NDUFA10: variants seen among roughly 807,000 people sequenced by gnomAD.
The protein encoded by NDUFA10 is NADH dehydrogenase [ubiquinone] 1 alpha subcomplex subunit 10, mitochondrial.
In NDUFA10, 40 loss-of-function variants were observed where a neutral mutation model predicts 47.8. That is an observed-to-expected ratio of 0.84 (90% confidence interval 0.65 to 1.09). The LOEUF (loss-of-function observed/expected upper bound fraction) is 1.09, where lower values mean the gene tolerates loss of function less well. Among genes scored for constraint, NDUFA10 ranks in the 50% least tolerant of loss-of-function variants. NDUFA10 has a pLI of 0.00. For synonymous variants in NDUFA10, 183 were observed against 172.2 expected, an observed-to-expected ratio of 1.06 and a Z score of -0.49; for missense variants, 413 against 451.1, an observed-to-expected ratio of 0.92 and a Z score of 0.76.
At chr2:240,022,662 G>T (rs1244485244) in intron 1 of NDUFA10, among the ~76,000 whole-genome samples, 2 of 152,080 alleles carry the variant, frequency 1.3e-5, no homozygotes, top group Non-Finnish European at 2.9e-5. Context: ...ATGGATGGAT[G>T]GATGGACGGA....
chr2:239,951,082 A>C (rs781330323), intron 4 of NDUFA10, among the ~76,000 whole-genome samples: 3 of 152,156 alleles, frequency 2.0e-5, no homozygotes, highest in Non-Finnish European at 4.4e-5. Flanking sequence ...AAAAACCCTA[A>C]AACAATGCTG....
chr2:239,931,867 G>A (rs1485599999), intron 4 of NDUFA10, among the ~76,000 whole-genome samples: 1 of 112,612 alleles, frequency 8.9e-6, no homozygotes, highest in African/African-American at 3.5e-5. Flanking sequence ...ACGGAGTCTC[G>A]CTCTGTGGCC....
rs180705733 is a variant in NDUFA10, at chr2:239,981,590, T to C, written c.999+8484A>G. ...AATCCTGGAAGAAAAACGAAGACTATAATCCTTAATCTAAAGAATAAAGGT... is the reference window on the plus strand; with the variant it reads ...AATCCTGGAAGAAAAACGAAGACTACAATCCTTAATCTAAAGAATAAAGGT... On this transcript the variant is annotated intron_variant, in intron 9 of 9. Transcript: ENST00000252711. 1.4e-3 allele frequency among the ~76,000 whole-genome samples: 219 copies of C among 152,294 alleles called. 2 individuals are homozygous for C. The highest frequency in any genetic ancestry group is 0.01 in the Middle Eastern group (3 of 294).
At position 240,006,328 on chromosome 2, in the gene NDUFA10, T is replaced by C. The variant is rs188442263; in HGVS notation, c.804+988A>G. ...GAATAAACCAAGGTCTCAAAAGAAC[T>C]TTACAACTGGTAGTAGGAGAGCCTG... On this transcript the variant is annotated intron_variant, in intron 7 of 9. Transcript: ENST00000252711. Among the ~76,000 whole-genome samples the C allele has an allele frequency of 3.4e-3, 517 of 152,298 alleles. 1 individual carries two copies. Among genetic ancestry groups the C allele is most frequent in the African/African-American group, 0.012 (487 of 41,550 alleles).
intron 4 of NDUFA10, among the ~76,000 whole-genome samples, chr2:239,904,959 C>T (rs1310730716): frequency 6.6e-6 from 1 of 152,216 alleles, no homozygotes; most frequent in Non-Finnish European, 1.5e-5. Flanking sequence ...GCCTTCTGCT[C>T]TTCCGCCTCT....
intron 4 of NDUFA10, among the ~76,000 whole-genome samples, chr2:239,940,438 C>T (rs988072577): frequency 5.9e-5 from 9 of 152,210 alleles, no homozygotes; most frequent in South Asian, 2.1e-4. Flanking sequence ...GCTGGAAGTA[C>T]GCTCTGAGTT....
chr2:239,903,308 T>C (rs1000831246), intron 4 of NDUFA10, among the ~76,000 whole-genome samples: 1 of 152,190 alleles, frequency 6.6e-6, no homozygotes, highest in African/African-American at 2.4e-5. Context: ...ACGGGGGGCT[T>C]GTATATTACG....
intron 4 of NDUFA10, among the ~76,000 whole-genome samples, chr2:239,946,766 C>T (rs1694460314): frequency 6.6e-6 from 1 of 152,238 alleles, no homozygotes; most frequent in African/African-American, 2.4e-5. Context: ...TCCCTTTGGT[C>T]AGATTTTGGG....
At chr2:240,025,164 T>TGCCCCCCCCCCCCCCCCCCC in intron 1 of NDUFA10, 63 bp downstream of exon 1, 453 of 594,800 alleles carry the variant, frequency 7.6e-4, no homozygotes, top group East Asian at 1.1e-3. Context: ...GTGGAACTGC[T>TGCCCCCCCCCCCCCCCCCCC]CCCCACCCCG....
At chr2:240,007,270 GA>G (rs764737382) in intron 7 of NDUFA10, 45 bp downstream of exon 7, 3 of 1,391,898 alleles carry the variant, frequency 2.2e-6, no homozygotes, top group African/African-American at 2.8e-5. Flanking sequence ...CCTTACACAT[GA>G]ATCAAATGTA....
At chr2:239,895,361 G>T in intron 4 of NDUFA10, 1 of 414,388 alleles carries the variant, frequency 2.4e-6, no homozygotes, top group Admixed American at 2.7e-5. Context: ...AGTGAGGAGG[G>T]GAGCCCGAGC....
intron 7 of NDUFA10, 111 bp downstream of exon 7, chr2:240,007,205 C>T: frequency 1.2e-6 from 1 of 821,374 alleles, no homozygotes; most frequent in Non-Finnish European, 2.1e-6. Context: ...GGTGATAAAA[C>T]AGTGATGTTT....
At chr2:239,939,195 T>C (rs558815513) in intron 4 of NDUFA10, among the ~76,000 whole-genome samples, 55 of 152,154 alleles carry the variant, frequency 3.6e-4, no homozygotes, top group African/African-American at 1.2e-3. Flanking sequence ...CCTCACTGAG[T>C]GGAAAGGGAG....
rs146517347 is a variant in NDUFA10, at chr2:239,948,166, T to G, written c.294+41908A>C. On this transcript the variant is annotated intron_variant, in intron 4 of 5. Transcript: ENST00000419408. ...ATTCTTAGGGAAATAGCAGCTCATT[T>G]CCACCAACACTTAAGAGCTAGAACC... 1.6e-3 allele frequency among the ~76,000 whole-genome samples: 246 copies of G among 152,326 alleles called. 1 individual carries two copies. Among genetic ancestry groups the G allele is most frequent in the Non-Finnish European group, 2.6e-3 (176 of 68,020 alleles).
chr2:240,012,727 T>C (rs968425798), intron 5 of NDUFA10: 2 of 152,260 alleles, frequency 1.3e-5, no homozygotes, highest in Admixed American at 6.5e-5. Context: ...CATGTATTAA[T>C]TCCAGTAATG....
intron 4 of NDUFA10, among the ~76,000 whole-genome samples, chr2:239,919,805 T>C (rs1337459413): frequency 6.6e-6 from 1 of 152,174 alleles, no homozygotes; most frequent in Non-Finnish European, 1.5e-5. Context: ...ACATCTTCCA[T>C]GAACTCTGAG....
Position 239,898,952 on chromosome 2 carries a change from GGGGTGTGGCA to G in NDUFA10, c.295-3648_295-3639del, listed in dbSNP as rs1351074846. 4.9e-5 allele frequency among the ~76,000 whole-genome samples: 7 copies of G among 143,878 alleles called. No individual in the cohort carries two copies. In the East Asian group the frequency reaches 8.1e-4, roughly 17 times the overall value. The allele number at this position is 143,878 out of a possible 152,430, so 94.4% of individuals were successfully genotyped here. Reference sequence around the variant, plus strand: ...GAGGGGTGTGACGGAGGGGTGTGGAGGGGTGTGGCAGGGTGTGATGAAGAGGTATGATGGA... The same window carrying G: ...GAGGGGTGTGACGGAGGGGTGTGGAGGGGTGTGATGAAGAGGTATGATGGA... On this transcript the variant is annotated intron_variant, in intron 4 of 5. Coordinates refer to the NDUFA10 transcript ENST00000419408.
Position 240,022,302 on chromosome 2 carries a change from A to G in NDUFA10, c.114T>C (p.Tyr38=). 6.2e-7 allele frequency: 1 copy of G among 1,614,134 alleles called. No homozygotes were observed. Among genetic ancestry groups the G allele is most frequent in the Non-Finnish European group, 8.5e-7 (1 of 1,180,034 alleles). Residue 38 remains tyrosine (Y), a synonymous_variant, in exon 2 of 10, where the codon TAT becomes TAC. Coordinates refer to ENST00000252711, the MANE Select transcript of NDUFA10 (RefSeq NM_004544.4). ...CCCCAAGTAGGAAATGCCACATTCCATAGCGCAGTTTGCACTGCACACTGC... is the reference window on the plus strand; with the variant it reads ...CCCCAAGTAGGAAATGCCACATTCCGTAGCGCAGTTTGCACTGCACACTGC... ...IHSSVQCKLR[Y]GMWHFLLGDK...
chr2:240,020,272 G>C (rs1051468879), intron 3 of NDUFA10, among the ~76,000 whole-genome samples: 23 of 152,110 alleles, frequency 1.5e-4, no homozygotes, highest in African/African-American at 5.6e-4. Flanking sequence ...AGCTCATCAG[G>C]GGCACTGCCA....
Sources: gnomAD v4.1 joint callset for allele counts (sites outside exome capture counted in the v4.1 genomes callset) on GRCh38, gnomAD v4.1.1 for gene constraint, MANE v1.5 for transcripts, NCBI Gene and HGNC (gene_info 2026-07-23, HGNC 2026-07-21) for gene names.